PDE3B: variants seen among roughly 807,000 people sequenced by gnomAD.
PDE3B encodes phosphodiesterase 3B.
PDE3B carries 66 observed loss-of-function variants against 116.8 expected under a neutral mutation model. That is an observed-to-expected ratio of 0.56 (90% CI 0.46 to 0.69). PDE3B has a LOEUF of 0.69. Among genes scored for constraint, PDE3B ranks in the 30% least tolerant of loss-of-function variants. The pLI is 0.00. For missense variants in PDE3B, 1,384 were observed against 1,368.1 expected (o/e 1.01, Z -0.18); for synonymous variants, 595 against 533.6 (o/e 1.12, Z -1.59).
chr11:14,672,062 T>C (rs1367002038), intron 1 of PDE3B, among the ~76,000 whole-genome samples: 1 of 147,140 alleles, frequency 6.8e-6, no homozygotes, highest in African/African-American at 2.5e-5. Flanking sequence ...TATATGTATA[T>C]ATATATTTTA....
chr11:14,708,181 T>C (rs1259657688), intron 1 of PDE3B, among the ~76,000 whole-genome samples: 3 of 151,994 alleles, frequency 2.0e-5, no homozygotes, highest in South Asian at 2.1e-4. Flanking sequence ...CTGGAGGAGC[T>C]TGTTGTTAAA....
intron 1 of PDE3B, among the ~76,000 whole-genome samples, chr11:14,705,966 A>G (rs560318862): frequency 7.0e-4 from 107 of 152,038 alleles, no homozygotes; most frequent in African/African-American, 2.6e-3. Flanking sequence ...CAAATCTTTT[A>G]TGTGTGCCTA....
intron 12 of PDE3B, among the ~76,000 whole-genome samples, chr11:14,848,538 G>C (rs1847664789): frequency 1.3e-5 from 2 of 151,964 alleles, no homozygotes; most frequent in Non-Finnish European, 2.9e-5. Context: ...AGGAAAAGAG[G>C]AAGTCAAATT....
intron 2 of PDE3B, chr11:14,774,017 C>T (rs933923846): frequency 3.3e-5 from 5 of 151,430 alleles, no homozygotes; most frequent in African/African-American, 1.2e-4. Flanking sequence ...TTTCTGGCCT[C>T]TTTTGTGCTT....
At chr11:14,886,299 T>A in the PDE3B span, 1 of 182,038 alleles carries the variant, frequency 5.5e-6, no homozygotes, top group Non-Finnish European at 1.2e-5. Context: ...CTTTTATGAT[T>A]CATTTTACCT....
chr11:14,852,337 T>A (rs2133983575), intron 12 of PDE3B, among the ~76,000 whole-genome samples: 1 of 152,362 alleles, frequency 6.6e-6, no homozygotes, highest in East Asian at 1.9e-4. Flanking sequence ...ATTACAGGCA[T>A]GAGCTACCAT....
chr11:14,753,988 A>G (rs1016966677), intron 1 of PDE3B, among the ~76,000 whole-genome samples: 2 of 151,870 alleles, frequency 1.3e-5, no homozygotes. Flanking sequence ...GTGTTTTAAG[A>G]ACTTCTTGTC....
intron 2 of PDE3B, among the ~76,000 whole-genome samples, chr11:14,780,695 T>G (rs937572906): frequency 2.0e-4 from 30 of 152,052 alleles, no homozygotes; most frequent in African/African-American, 7.0e-4. Context: ...TAGCACTAAA[T>G]GCCCACAAGA....
chr11:14,844,812 T>A, intron 12 of PDE3B, among the ~76,000 whole-genome samples: 1 of 152,184 alleles, frequency 6.6e-6, no homozygotes, highest in East Asian at 1.9e-4. Context: ...CCAGGCTTGC[T>A]TAGGTAAACA....
intron 12 of PDE3B, among the ~76,000 whole-genome samples, chr11:14,858,566 T>A (rs1190676279): frequency 6.6e-6 from 1 of 152,154 alleles, no homozygotes; most frequent in African/African-American, 2.4e-5. Context: ...GACAGGCAGG[T>A]CTCTTACTTA....
chr11:14,651,298 C>T (rs1326497981), intron 1 of PDE3B, among the ~76,000 whole-genome samples: 1 of 152,146 alleles, frequency 6.6e-6, no homozygotes, highest in Non-Finnish European at 1.5e-5. Context: ...TCCAAATTTT[C>T]TAATCTTCTA....
chr11:14,703,453 T>G (rs1249441663), intron 1 of PDE3B, among the ~76,000 whole-genome samples: 1 of 151,598 alleles, frequency 6.6e-6, no homozygotes, highest in African/African-American at 2.4e-5. Flanking sequence ...TTTGTTTAAA[T>G]TTTAGGAGAC....
intron 13 of PDE3B, among the ~76,000 whole-genome samples, chr11:14,860,439 T>C (rs1203501963): frequency 6.6e-6 from 1 of 152,170 alleles, no homozygotes; most frequent in African/African-American, 2.4e-5. Flanking sequence ...TCAAAAGCTA[T>C]GATGTGGCTC....
intron 1 of PDE3B, among the ~76,000 whole-genome samples, chr11:14,740,526 A>G (rs971706504): frequency 8.6e-5 from 13 of 151,782 alleles, no homozygotes; most frequent in Admixed American, 7.9e-4. Context: ...CGGTCTGTCT[A>G]TTTTGGTAAT....
At chr11:14,785,002 CAG>C (rs1565136102) in intron 2 of PDE3B, among the ~76,000 whole-genome samples, 1 of 151,998 alleles carries the variant, frequency 6.6e-6, no homozygotes, top group African/African-American at 2.4e-5. Context: ...TCACAATAAT[CAG>C]AGAATTCAGA....
At chr11:14,666,188 T>G (rs1854139244) in intron 1 of PDE3B, among the ~76,000 whole-genome samples, 1 of 148,850 alleles carries the variant, frequency 6.7e-6, no homozygotes, top group Admixed American at 6.7e-5. Flanking sequence ...GGGGAAAGGA[T>G]TCCCTATTTA....
rs766733047 is a variant in PDE3B at position 14,644,803 on chromosome 11, C to G, written c.728C>G (p.Ala243Gly). 6 of 1,611,188 alleles carry G rather than the reference C, an allele frequency of 3.7e-6. No homozygotes were observed. The highest frequency in any genetic ancestry group is 1.1e-5 in the South Asian group (1 of 90,792). The change falls in exon 1 of 16, where the codon GCC (alanine) becomes GGC (glycine). Residue 243 changes from alanine to glycine, a missense_variant. By Grantham distance (60) the Ala-to-Gly change is moderately conservative (BLOSUM62 0). Transcript: ENST00000282096. Reference protein sequence around the residue: ...SFTSLGSLPSALRPLLSGLVG... With the variant: ...SFTSLGSLPSGLRPLLSGLVG... ...ACCAGCCTCGGGTCGCTGCCCTCCG[C>G]CCTCAGGCCGCTGCTCTCCGGCCTG...
the PDE3B span, among the ~76,000 whole-genome samples, chr11:14,894,864 A>G: frequency 6.6e-6 from 1 of 152,228 alleles, no homozygotes; most frequent in Non-Finnish European, 1.5e-5. Flanking sequence ...TATGGCTTTT[A>G]TCATGACAGG....
At chr11:14,774,442 A>G (rs1857727502) in intron 2 of PDE3B, 1 of 152,352 alleles carries the variant, frequency 6.6e-6, no homozygotes, top group South Asian at 2.1e-4. Context: ...AACTTGAAGT[A>G]TAAGACAGGA....
Sources: gnomAD v4.1 joint callset for allele counts (sites outside exome capture counted in the v4.1 genomes callset) on GRCh38, gnomAD v4.1.1 for gene constraint, MANE v1.5 for transcripts, NCBI Gene and HGNC (gene_info 2026-07-23, HGNC 2026-07-21) for gene names.